Variants in PARPBP observed in about 807,000 individuals in gnomAD.
PARPBP encodes the protein PARP1 binding protein.
A neutral mutation model predicts 50.0 loss-of-function variants in PARPBP; 52 were observed. The ratio of observed to expected loss-of-function variants is 1.04; its 90% confidence interval spans 0.83 to 1.31. The LOEUF is 1.31. PARPBP is among the 50% of genes most tolerant of loss of function. The probability of loss-of-function intolerance (pLI) is 0.00; values close to 1 mark genes in which losing one functional copy is unlikely to be tolerated. For synonymous variants in PARPBP, 244 were observed against 232.1 expected (o/e 1.05, Z -0.47); for missense variants, 697 against 672.0 (o/e 1.04, Z -0.41).
intron 2 of PARPBP, among the ~76,000 whole-genome samples, chr12:102,138,547 C>A (rs1234392615): frequency 6.6e-6 from 1 of 151,038 alleles, no homozygotes; most frequent in Admixed American, 6.6e-5. Context: ...GTGTTTTAGT[C>A]ATGAAGTCCT....
intron 4 of PARPBP, among the ~76,000 whole-genome samples, chr12:102,163,913 C>T (rs1186829143): frequency 6.6e-6 from 1 of 152,172 alleles, no homozygotes; most frequent in Non-Finnish European, 1.5e-5. Context: ...CTCCTAAACT[C>T]AGCATCTAGG....
intron 9 of PARPBP, among the ~76,000 whole-genome samples, chr12:102,192,401 T>TA (rs954384240): frequency 2.6e-5 from 4 of 152,130 alleles, no homozygotes; most frequent in Non-Finnish European, 5.9e-5. Context: ...TAGTAAGTAA[T>TA]ACGGCCAGCA....
Position 102,148,362 on chromosome 12 carries a change from G to A in PARPBP, c.286G>A (p.Asp96Asn). Reference protein sequence around the residue: ...DHYEDVRKIYDDFLKNSNMLD... With the variant: ...DHYEDVRKIYNDFLKNSNMLD... The stretch of plus-strand genomic sequence containing the variant: ...TTATGAGGACGTTAGGAAGATTTAT[G>A]ATGATTTCTTGAAGAACAGTAATAT... Residue 96 changes from aspartate to asparagine, a missense_variant, in exon 3 of 11, where the codon GAT (aspartate) becomes AAT (asparagine). Transcript: ENST00000327680. 6.3e-7 allele frequency: 1 copy of A among 1,589,278 alleles called. No individual in the cohort carries two copies. Among genetic ancestry groups the A allele is most frequent in the South Asian group, 1.1e-5 (1 of 90,476 alleles).
chr12:102,152,891 C>A, intron 3 of PARPBP, among the ~76,000 whole-genome samples: 1 of 131,890 alleles, frequency 7.6e-6, no homozygotes, highest in East Asian at 2.2e-4. Context: ...GTAAAGAAAT[C>A]ATGAAGTACT....
At chr12:102,187,361 T>C (rs1042527476) in intron 9 of PARPBP, among the ~76,000 whole-genome samples, 2 of 152,162 alleles carry the variant, frequency 1.3e-5, no homozygotes, top group African/African-American at 4.8e-5. Flanking sequence ...TTTTTTCTTT[T>C]TTCTTGTTCA....
intron 2 of PARPBP, among the ~76,000 whole-genome samples, chr12:102,146,156 A>G (rs1885318533): frequency 6.6e-6 from 1 of 152,200 alleles, no homozygotes; most frequent in African/African-American, 2.4e-5. Flanking sequence ...TAATTTATAG[A>G]TTCAATGCCA....
chr12:102,146,164 C>T (rs1392682731), intron 2 of PARPBP, among the ~76,000 whole-genome samples: 1 of 152,068 alleles, frequency 6.6e-6, no homozygotes, highest in Admixed American at 6.5e-5. Context: ...AGATTCAATG[C>T]CATCCCCATC....
At chr12:102,140,992 A>G (rs994797774) in intron 2 of PARPBP, among the ~76,000 whole-genome samples, 6 of 152,200 alleles carry the variant, frequency 3.9e-5, no homozygotes, top group Admixed American at 6.5e-5. Flanking sequence ...GTAGATGTCT[A>G]TTAGGTCCGC....
At chr12:102,154,619 G>A (rs556626635) in intron 4 of PARPBP, among the ~76,000 whole-genome samples, 21 of 152,174 alleles carry the variant, frequency 1.4e-4, no homozygotes, top group Non-Finnish European at 2.2e-4. Context: ...CTCATCAGAT[G>A]GGTTTTATTT....
In PARPBP at chr12:102,129,265, G is replaced by T. The variant is rs185146724; in HGVS notation, c.153+5224G>T. 2.6e-5 allele frequency among the ~76,000 whole-genome samples: 4 copies of T among 152,192 alleles called. No individual in the cohort carries two copies. The East Asian group carries it at 7.7e-4, about 29-fold the overall frequency. On this transcript the variant is annotated intron_variant, in intron 2 of 10. Coordinates refer to ENST00000327680, the MANE Select transcript of PARPBP (RefSeq NM_017915.5). ...ACCTCTGAAGTAATTGAGACTGTGG[G>T]CATACGCCACTGCATCCTGCTCTTT...
intron 2 of PARPBP, among the ~76,000 whole-genome samples, chr12:102,125,998 C>T (rs567789320): frequency 6.6e-6 from 1 of 152,262 alleles, no homozygotes; most frequent in African/African-American, 2.4e-5. Flanking sequence ...AAAATCAAAG[C>T]AAAGATTACC....
chr12:102,177,355 C>A (rs975976404), intron 7 of PARPBP, among the ~76,000 whole-genome samples: 1 of 152,108 alleles, frequency 6.6e-6, no homozygotes, highest in Non-Finnish European at 1.5e-5. Context: ...TTATCATTGC[C>A]TCTATTTTGT....
At chr12:102,150,604 C>G (rs781764263) in intron 3 of PARPBP, among the ~76,000 whole-genome samples, 1 of 152,162 alleles carries the variant, frequency 6.6e-6, no homozygotes, top group Non-Finnish European at 1.5e-5. Context: ...ATTCAGGGCC[C>G]ATGGGCATCT....
intron 4 of PARPBP, 129 bp downstream of exon 4, chr12:102,154,105 G>A (rs1256910334): frequency 1.8e-6 from 1 of 570,204 alleles, no homozygotes; most frequent in Non-Finnish European, 3.1e-6. Flanking sequence ...GTTTAAAACT[G>A]TATTCGCAAA....
intron 9 of PARPBP, among the ~76,000 whole-genome samples, chr12:102,194,264 CTG>C (rs1247366813): frequency 6.6e-6 from 1 of 151,884 alleles, no homozygotes; most frequent in South Asian, 2.1e-4. Flanking sequence ...AACAAATACT[CTG>C]TAAGTAATAA....
intron 6 of PARPBP, among the ~76,000 whole-genome samples, chr12:102,169,735 A>G (rs998422147): frequency 3.9e-5 from 6 of 152,050 alleles, no homozygotes; most frequent in African/African-American, 1.4e-4. Flanking sequence ...GATTTTTCTG[A>G]AACAACAAAT....
chr12:102,164,718 C>A, intron 5 of PARPBP, 110 bp downstream of exon 5: 1 of 846,840 alleles, frequency 1.2e-6, no homozygotes, highest in South Asian at 1.4e-5. Context: ...AATTTATGTT[C>A]TACCTCTGTA....
intron 2 of PARPBP, among the ~76,000 whole-genome samples, chr12:102,140,062 C>T (rs140426314): frequency 0.012 from 1,754 of 152,244 alleles, 55 homozygotes; most frequent in East Asian, 0.099. Flanking sequence ...AGAATGGTAC[C>T]AGCTCCTCTT....
intron 2 of PARPBP, among the ~76,000 whole-genome samples, chr12:102,147,903 T>C (rs1203434970): frequency 1.3e-5 from 2 of 152,084 alleles, no homozygotes; most frequent in Non-Finnish European, 2.9e-5. Context: ...TACTTAAGTA[T>C]AGTTTACTGC....
Sources: gnomAD v4.1 joint callset for allele counts (sites outside exome capture counted in the v4.1 genomes callset) on GRCh38, gnomAD v4.1.1 for gene constraint, MANE v1.5 for transcripts, NCBI Gene and HGNC (gene_info 2026-07-23, HGNC 2026-07-21) for gene names.